SGCZ: variants seen among roughly 807,000 people sequenced by gnomAD.
SGCZ encodes the protein sarcoglycan zeta.
SGCZ carries 40 observed loss-of-function variants against 41.3 expected under a neutral mutation model. The observed-to-expected ratio is 0.97, with a 90% CI of 0.75 to 1.26. The LOEUF (loss-of-function observed/expected upper bound fraction) is 1.26. Among genes scored for constraint, SGCZ ranks in the 50% most tolerant of loss-of-function variants. The pLI is 0.00. For synonymous variants in SGCZ, 206 were observed against 137.5 expected, an observed-to-expected ratio of 1.50 and a Z score of -3.49; for missense variants, 552 against 369.8, an observed-to-expected ratio of 1.49 and a Z score of -4.04.
At position 14,282,663 on chromosome 8, in the gene SGCZ, C is replaced by T. The variant is rs145129508; in HGVS notation, c.336+41440G>A. On this transcript the variant is annotated intron_variant, in intron 3 of 7. Coordinates refer to ENST00000382080, the MANE Select transcript of SGCZ (RefSeq NM_139167.4). The stretch of plus-strand genomic sequence containing the variant: ...AATCACAAACTGAAGCCTGCATATT[C>T]TGTTCTCAGTTGCCTGATCCTTCCA... Among the ~76,000 whole-genome samples the T allele has an allele frequency of 2.4e-3, 364 of 152,242 alleles. 1 individual carries two copies. The highest frequency in any genetic ancestry group is 7.9e-3 in the African/African-American group (328 of 41,556).
rs1585076522 is a variant in SGCZ, at chr8:14,555,760, G to A, written c.40-834C>T. 2.0e-5 allele frequency among the ~76,000 whole-genome samples: 3 copies of A among 152,114 alleles called. No homozygotes were observed. In the South Asian group the frequency reaches 6.2e-4, roughly 32 times the overall value. On this transcript the variant is annotated intron_variant, in intron 1 of 7. Coordinates refer to ENST00000382080, the MANE Select transcript of SGCZ (RefSeq NM_139167.4). The stretch of plus-strand genomic sequence containing the variant: ...AAAAATGCAGGATACAAATGGTTCA[G>A]TATATATGCTTCAGTAAAAATATTA...
chr8:14,570,710 T>C (rs1804524366), intron 1 of SGCZ, among the ~76,000 whole-genome samples: 1 of 152,164 alleles, frequency 6.6e-6, no homozygotes, highest in African/African-American at 2.4e-5. Flanking sequence ...ATTTTGGAAA[T>C]GTAACAAATA....
chr8:14,623,647 C>T (rs909350203), intron 1 of SGCZ, among the ~76,000 whole-genome samples: 7 of 152,234 alleles, frequency 4.6e-5, no homozygotes, highest in Admixed American at 3.3e-4. Context: ...CTTCAAGTGG[C>T]CAATGAGTTA....
intron 1 of SGCZ, among the ~76,000 whole-genome samples, chr8:14,915,161 T>C (rs556610343): frequency 6.6e-6 from 1 of 151,864 alleles, no homozygotes; most frequent in South Asian, 2.1e-4. Flanking sequence ...TAAATATATA[T>C]AATGTTGGCA....
At chr8:14,785,380 T>A (rs1218338861) in intron 1 of SGCZ, among the ~76,000 whole-genome samples, 1 of 152,148 alleles carries the variant, frequency 6.6e-6, no homozygotes, top group African/African-American at 2.4e-5. Flanking sequence ...AACCCAAGTT[T>A]GCAAGGAAAC....
Position 14,551,476 on chromosome 8 carries a change from T to A in SGCZ, c.234+3256A>T, listed in dbSNP as rs1317852925. On this transcript the variant is annotated intron_variant, in intron 2 of 7. Coordinates refer to ENST00000382080, the MANE Select transcript of SGCZ (RefSeq NM_139167.4). ...TATATTATATATATTATATATATTATATATTATATATATTATATATATTAT... is the reference window on the plus strand; with the variant it reads ...TATATTATATATATTATATATATTAAATATTATATATATTATATATATTAT... Among the ~76,000 whole-genome samples the A allele has an allele frequency of 1.6e-3, 8 of 4,880 alleles. 2 individuals are homozygous for A. Among genetic ancestry groups the A allele is most frequent in the Non-Finnish European group, 2.6e-3 (7 of 2,646 alleles). The allele number at this position is 4,880 out of a possible 152,430, so 3.2% of individuals were successfully genotyped here.
At chr8:14,430,971 G>A (rs1028929305) in intron 2 of SGCZ, among the ~76,000 whole-genome samples, 1 of 151,910 alleles carries the variant, frequency 6.6e-6, no homozygotes, top group Non-Finnish European at 1.5e-5. Flanking sequence ...AAATACTTAG[G>A]AATACACCTA....
intron 1 of SGCZ, among the ~76,000 whole-genome samples, chr8:14,979,483 A>T (rs1308514383): frequency 6.6e-6 from 1 of 152,210 alleles, no homozygotes; most frequent in Non-Finnish European, 1.5e-5. Flanking sequence ...ATTTTAATGG[A>T]TATGCCTTAT....
intron 1 of SGCZ, among the ~76,000 whole-genome samples, chr8:15,210,889 C>T (rs1801214116): frequency 6.6e-6 from 1 of 152,014 alleles, no homozygotes; most frequent in Admixed American, 6.6e-5. Context: ...TAGAACCCCA[C>T]ATCCAGCATT....
intron 7 of SGCZ, among the ~76,000 whole-genome samples, chr8:14,098,702 A>G (rs915069010): frequency 1.3e-5 from 2 of 152,188 alleles, no homozygotes; most frequent in Admixed American, 6.6e-5. Context: ...ACCTTGAGAC[A>G]TAACACAATT....
chr8:14,325,046 G>A (rs190973079), intron 2 of SGCZ, among the ~76,000 whole-genome samples: 5 of 152,048 alleles, frequency 3.3e-5, no homozygotes, highest in African/African-American at 7.2e-5. Flanking sequence ...TTTTGGAGCC[G>A]GAGAAAGGAA....
intron 1 of SGCZ, among the ~76,000 whole-genome samples, chr8:15,061,385 G>A (rs1804923382): frequency 6.6e-6 from 1 of 151,972 alleles, no homozygotes; most frequent in African/African-American, 2.4e-5. Context: ...GCCTGTTGGG[G>A]GTGCGGGGCT....
chr8:14,686,453 A>T (rs948473142), intron 1 of SGCZ, among the ~76,000 whole-genome samples: 1 of 152,126 alleles, frequency 6.6e-6, no homozygotes, highest in African/African-American at 2.4e-5. Flanking sequence ...GATATAAGAG[A>T]TCTGAAAATA....
At chr8:14,168,050 T>C (rs959526109) in intron 4 of SGCZ, among the ~76,000 whole-genome samples, 1 of 152,226 alleles carries the variant, frequency 6.6e-6, no homozygotes, top group African/African-American at 2.4e-5. Flanking sequence ...TGCTTGTTTC[T>C]AGTGTGTCTT....
At chr8:14,365,047 T>A (rs1466172925) in intron 2 of SGCZ, among the ~76,000 whole-genome samples, 1 of 152,170 alleles carries the variant, frequency 6.6e-6, no homozygotes, top group East Asian at 1.9e-4. Context: ...TATATAATGT[T>A]GACATTTTAA....
intron 3 of SGCZ, among the ~76,000 whole-genome samples, chr8:14,310,056 G>T (rs1372786328): frequency 1.3e-5 from 2 of 152,008 alleles, no homozygotes; most frequent in Non-Finnish European, 2.9e-5. Flanking sequence ...AAATTCTGTT[G>T]TTCCATTGTA....
chr8:15,067,180 T>G (rs1284718088), intron 1 of SGCZ, among the ~76,000 whole-genome samples: 1 of 152,172 alleles, frequency 6.6e-6, no homozygotes, highest in Non-Finnish European at 1.5e-5. Context: ...TATTTCCATA[T>G]AGGATCCTCT....
At chr8:14,832,178 A>T (rs2130603889) in intron 1 of SGCZ, among the ~76,000 whole-genome samples, 1 of 152,286 alleles carries the variant, frequency 6.6e-6, no homozygotes, top group Non-Finnish European at 1.5e-5. Flanking sequence ...TCGTGACATT[A>T]ATTCTTTTAT....
At chr8:14,636,588 A>G (rs1171478854) in intron 1 of SGCZ, among the ~76,000 whole-genome samples, 1 of 151,894 alleles carries the variant, frequency 6.6e-6, no homozygotes, top group Non-Finnish European at 1.5e-5. Flanking sequence ...TGTGGATAAA[A>G]GCTCAATTTA....
Sources: allele counts gnomAD v4.1 joint callset (sites outside exome capture counted in the v4.1 genomes callset), GRCh38; gene constraint gnomAD v4.1.1; transcripts MANE v1.5; gene names NCBI Gene and HGNC (gene_info 2026-07-23, HGNC 2026-07-21).